CAMTA1: variants seen among roughly 807,000 people sequenced by gnomAD.
CAMTA1 encodes the protein calmodulin-binding transcription activator 1.
In CAMTA1, 27 loss-of-function variants were observed where a neutral mutation model predicts 170.9. The observed-to-expected ratio is 0.16, with a 90% CI of 0.12 to 0.22. The LOEUF (loss-of-function observed/expected upper bound fraction) is 0.22. Among genes scored for constraint, CAMTA1 ranks in the 10% least tolerant of loss-of-function variants. The probability of loss-of-function intolerance (pLI) is 1.00; values close to 1 mark genes in which losing one functional copy is unlikely to be tolerated. For synonymous variants in CAMTA1, 833 were observed against 891.5 expected, an observed-to-expected ratio of 0.93 and a Z score of 1.17; for missense variants, 1,619 against 2,217.2, an observed-to-expected ratio of 0.73 and a Z score of 5.42.
chr1:7,691,728 G>C (rs2096314215), intron 11 of CAMTA1, among the ~76,000 whole-genome samples: 1 of 152,186 alleles, frequency 6.6e-6, no homozygotes, highest in African/African-American at 2.4e-5. Flanking sequence ...AGAGCTGAGA[G>C]AGCAAATAGA....
At chr1:7,501,344 C>A (rs1405436564) in intron 6 of CAMTA1, among the ~76,000 whole-genome samples, 1 of 152,182 alleles carries the variant, frequency 6.6e-6, no homozygotes, top group African/African-American at 2.4e-5. Context: ...TGAGAACGGC[C>A]TTTGTTCCCG....
At chr1:7,354,517 G>A (rs1326457826) in intron 5 of CAMTA1, among the ~76,000 whole-genome samples, 1 of 152,148 alleles carries the variant, frequency 6.6e-6, no homozygotes, top group Admixed American at 6.5e-5. Context: ...TTGCTATTTT[G>A]CATAATGCTG....
At chr1:6,794,796 G>A (rs905039843) in intron 1 of CAMTA1, among the ~76,000 whole-genome samples, 1 of 151,856 alleles carries the variant, frequency 6.6e-6, no homozygotes, top group African/African-American at 2.4e-5. Context: ...AACAATCCAT[G>A]CCACTAGCCA....
Position 7,439,351 on chromosome 1 carries a change from C to T in CAMTA1, c.439-28479C>T, listed in dbSNP as rs77275432. Among the ~76,000 whole-genome samples the T allele has an allele frequency of 2.4e-3, 373 of 152,284 alleles. 9 individuals carry two copies. In the East Asian group the frequency reaches 0.049, roughly 20 times the overall value. ...GTTCTTCGTTGTCTGGAATCGAGCC[C>T]CTCCCTGAGACTGTGCAGTGAATGA... On this transcript the variant is annotated intron_variant, in intron 5 of 22. Transcript: ENST00000303635.
At chr1:6,812,620 T>C (rs952430421) in intron 1 of CAMTA1, among the ~76,000 whole-genome samples, 1 of 152,226 alleles carries the variant, frequency 6.6e-6, no homozygotes, top group East Asian at 1.9e-4. Flanking sequence ...AAGTGCTCTT[T>C]GATTATTTTC....
At position 7,286,278 on chromosome 1, in the gene CAMTA1, G is replaced by C. The variant is rs770356199; in HGVS notation, c.438+36652G>C. On this transcript the variant is annotated intron_variant, in intron 5 of 22. Coordinates refer to ENST00000303635, the MANE Select transcript of CAMTA1 (RefSeq NM_015215.4). The surrounding 1 kb of genome is among the most constrained non-coding windows in gnomAD (Gnocchi z 4.2). ...TCTGGTGGAGTTGATGGCACAGGTG[G>C]AGGGGCGGAGGCGCCAGGGTGTGCC... 9.2e-5 allele frequency among the ~76,000 whole-genome samples: 14 copies of C among 152,236 alleles called. No homozygotes were observed. Among genetic ancestry groups the C allele is most frequent in the Non-Finnish European group, 1.8e-4 (12 of 68,044 alleles).
intron 4 of CAMTA1, among the ~76,000 whole-genome samples, chr1:7,096,064 G>C (rs566663369): frequency 2.0e-5 from 3 of 152,322 alleles, no homozygotes; most frequent in Non-Finnish European, 4.4e-5. Flanking sequence ...GATATAGATA[G>C]CACCTCCACA....
chr1:7,413,103 C>G (rs1311740670), intron 5 of CAMTA1, among the ~76,000 whole-genome samples: 2 of 151,068 alleles, frequency 1.3e-5, no homozygotes, highest in African/African-American at 4.8e-5. Flanking sequence ...CTGTTCTGTT[C>G]CATTGATCTA....
chr1:7,654,498 ACCTATACACACATACACT>A (rs2095866870), intron 7 of CAMTA1, among the ~76,000 whole-genome samples: 1 of 151,654 alleles, frequency 6.6e-6, no homozygotes. Context: ...ACATACACAC[ACCTATACACACATACACT>A]CCTATACACA....
At chr1:7,587,375 C>G (rs2095319836) in intron 6 of CAMTA1, among the ~76,000 whole-genome samples, 1 of 152,068 alleles carries the variant, frequency 6.6e-6, no homozygotes, top group Non-Finnish European at 1.5e-5. Flanking sequence ...GCTCACAGAT[C>G]CATCTAAACC....
intron 4 of CAMTA1, among the ~76,000 whole-genome samples, chr1:7,206,306 A>C (rs1411959290): frequency 8.5e-5 from 13 of 152,220 alleles, no homozygotes; most frequent in Non-Finnish European, 1.2e-4. Flanking sequence ...AGAAGAATTT[A>C]TGTCTTCCCA....
Position 7,534,620 on chromosome 1 carries a change from G to A in CAMTA1, c.510+66719G>A, listed in dbSNP as rs964048476. ...TGGCATGTCCTCGGCGGCACGGGCT[G>A]TGGCCGCAGAAGGCCAGCAGCTGTC... On this transcript the variant is annotated intron_variant, in intron 6 of 22. Coordinates refer to ENST00000303635, the MANE Select transcript of CAMTA1 (RefSeq NM_015215.4). This position sits in a 1 kb window ranked among gnomAD's most constrained non-coding sequence, Gnocchi z 5.6. Among the ~76,000 whole-genome samples, 13 of 152,208 alleles carry A rather than the reference G, an allele frequency of 8.5e-5. No homozygotes were observed. The highest frequency in any genetic ancestry group is 3.1e-4 in the African/African-American group (13 of 41,456).
At chr1:7,485,317 G>C (rs1399727392) in intron 6 of CAMTA1, among the ~76,000 whole-genome samples, 3 of 152,120 alleles carry the variant, frequency 2.0e-5, no homozygotes, top group African/African-American at 7.2e-5. Flanking sequence ...CACTGCCTTA[G>C]GGGAGACAAG....
chr1:7,646,123 G>A (rs1206419169), intron 7 of CAMTA1, among the ~76,000 whole-genome samples: 5 of 141,742 alleles, frequency 3.5e-5, no homozygotes, highest in African/African-American at 1.3e-4. Flanking sequence ...GTAAGTGTGA[G>A]CGGAGGCCCC....
At chr1:7,427,722 G>T (rs1006065885) in intron 5 of CAMTA1, among the ~76,000 whole-genome samples, 6 of 152,194 alleles carry the variant, frequency 3.9e-5, no homozygotes, top group Non-Finnish European at 5.9e-5. Context: ...CCCCTGGGAT[G>T]GGCTGTCCTC....
At chr1:7,492,632 C>T (rs904333344) in intron 6 of CAMTA1, among the ~76,000 whole-genome samples, 3 of 150,312 alleles carry the variant, frequency 2.0e-5, no homozygotes, top group African/African-American at 7.4e-5. Context: ...TACACGCGCA[C>T]ACAAACACAT....
At chr1:7,705,839 C>G (rs1199047490) in intron 11 of CAMTA1, among the ~76,000 whole-genome samples, 1 of 152,170 alleles carries the variant, frequency 6.6e-6, no homozygotes, top group Non-Finnish European at 1.5e-5. Flanking sequence ...CTCGGAGGAA[C>G]TTCTGAGAGC....
At chr1:7,414,412 A>G (rs1018417029) in intron 5 of CAMTA1, among the ~76,000 whole-genome samples, 3 of 152,126 alleles carry the variant, frequency 2.0e-5, no homozygotes, top group Non-Finnish European at 4.4e-5. Flanking sequence ...TTGGTAAGCT[A>G]TTGATTATTG....
chr1:7,343,405 A>G (rs2083986211), intron 5 of CAMTA1, among the ~76,000 whole-genome samples: 1 of 152,202 alleles, frequency 6.6e-6, no homozygotes, highest in South Asian at 2.1e-4. Flanking sequence ...CCGAGGCCAT[A>G]TTGGGCTGGA....
Sources: gnomAD v4.1 joint callset for allele counts (sites outside exome capture counted in the v4.1 genomes callset) on GRCh38, gnomAD v4.1.1 for gene constraint, Gnocchi (gnomAD v3.1) non-coding constraint, MANE v1.5 for transcripts, NCBI Gene and HGNC (gene_info 2026-07-23, HGNC 2026-07-21) for gene names.